The following ATP1A4 variants were observed in gnomAD, a reference collection of about 807,000 sequenced individuals.
ATP1A4 encodes the protein sodium/potassium-transporting ATPase subunit alpha-4.
ATP1A4 carries 90 observed loss-of-function variants against 114.3 expected under a neutral mutation model. That is an observed-to-expected ratio of 0.79 (90% CI 0.66 to 0.94). The LOEUF (loss-of-function observed/expected upper bound fraction) is 0.94, where lower values mean the gene tolerates loss of function less well. ATP1A4 is among the 40% of genes least tolerant of loss of function. The pLI is 0.00. For synonymous variants in ATP1A4, 511 were observed against 494.1 expected, an observed-to-expected ratio of 1.03 and a Z score of -0.45; for missense variants, 1,222 against 1,313.6, an observed-to-expected ratio of 0.93 and a Z score of 1.08.
Position 160,166,425 on chromosome 1 carries a change from C to CA in ATP1A4, c.1048-97dup, listed in dbSNP as rs1310199873. On this transcript the variant is annotated intron_variant, in intron 7 of 21. Transcript: ENST00000368081. The stretch of plus-strand genomic sequence containing the variant: ...GGTGGGAACAAAAGGGAAGTAAGTA[C>CA]AAAAAATCAAAATAGCATTAAAAAT... The CA allele has an allele frequency of 7.0e-6, 10 of 1,432,402 alleles. No homozygotes were observed. The African/African-American group carries it at 1.0e-4, about 14-fold the overall frequency. The allele number at this position is 1,432,402 out of a possible 1,614,324, so 88.7% of individuals were successfully genotyped here.
chr1:160,153,243 G>C lies in ATP1A4; in HGVS notation c.207+19G>C, dbSNP rs1449305295. On this transcript the variant is annotated intron_variant, in intron 2 of 21. Coordinates refer to ENST00000368081, the MANE Select transcript of ATP1A4 (RefSeq NM_144699.4). ...GACAAAGGTGAGTAAGAAGCTCCCT[G>C]AGGAGGCAGAGAGTCTCCAACTCTG... The C allele has an allele frequency of 1.2e-6, 2 of 1,609,470 alleles. No homozygotes were observed. The highest frequency in any genetic ancestry group is 1.7e-6 in the Non-Finnish European group (2 of 1,176,226).
At chr1:160,152,273 C>A in intron 1 of ATP1A4, 86 bp downstream of exon 1, 1 of 1,447,192 alleles carries the variant, frequency 6.9e-7, no homozygotes, top group Non-Finnish European at 9.3e-7. Context: ...GAGAATGAAA[C>A]ACACAGGCCA....
chr1:160,177,363 G>T (rs1653508564), intron 17 of ATP1A4, 156 bp from the exon 18 acceptor site: 1 of 671,216 alleles, frequency 1.5e-6, no homozygotes, highest in Non-Finnish European at 2.5e-6. Context: ...GAGATAACAG[G>T]CTTAGGCAGC....
At chr1:160,171,029 G>T in intron 10 of ATP1A4, 1 of 457,622 alleles carries the variant, frequency 2.2e-6, no homozygotes, top group Non-Finnish European at 3.8e-6. Flanking sequence ...AGGCTGAGAA[G>T]ATAATGGAGA....
chr1:160,153,308 A>T, intron 2 of ATP1A4, 84 bp downstream of exon 2: 1 of 1,278,544 alleles, frequency 7.8e-7, no homozygotes, highest in Admixed American at 1.8e-5. Context: ...CTAGGAATCC[A>T]GCCCCCTAAC....
At chr1:160,167,675 A>C in intron 10 of ATP1A4, among the ~76,000 whole-genome samples, 1 of 152,214 alleles carries the variant, frequency 6.6e-6, no homozygotes, top group South Asian at 2.1e-4. Flanking sequence ...GCGAGTCATA[A>C]AATCCTCTCT....
chr1:160,176,553 G>T lies in ATP1A4; in HGVS notation c.2541G>T (p.Thr847=). The T allele has an allele frequency of 1.2e-6, 2 of 1,614,132 alleles. No individual in the cohort carries two copies. Among genetic ancestry groups the T allele is most frequent in the Non-Finnish European group, 1.7e-6 (2 of 1,180,038 alleles). Residue 847 remains threonine (T), a synonymous_variant, in exon 17 of 22, where the codon ACG becomes ACT. Coordinates refer to ENST00000368081, the MANE Select transcript of ATP1A4 (RefSeq NM_144699.4). ...IMKRLPRNPK[T]DNLVNHRLIG... The stretch of plus-strand genomic sequence containing the variant: ...AGAGGCTTCCAAGGAACCCAAAGAC[G>T]GATAATCTGGTGAACCACCGTCTCA...
At position 160,156,146 on chromosome 1, in the gene ATP1A4, C is replaced by A; in HGVS notation, c.513C>A (p.Asn171Lys). 1 of 1,609,108 alleles carries A rather than the reference C, an allele frequency of 6.2e-7. No individual in the cohort carries two copies. Among genetic ancestry groups the A allele is most frequent in the Non-Finnish European group, 8.5e-7 (1 of 1,175,426 alleles). ...KSSKIMESFK[N>K]MVPQQALVIR... ...CCAAGATCATGGAGTCTTTTAAGAA[C>A]ATGGTGCCTCAGGTAGGATTGGAGT... Residue 171 changes from asparagine (N) to lysine (K), a missense_variant, in exon 4 of 22, where the codon AAC (asparagine) becomes AAA (lysine). Physicochemically the swap from Asn to Lys is moderately conservative, Grantham distance 94. Transcript: ENST00000368081.
intron 18 of ATP1A4, 24 bp from the exon 19 acceptor site, chr1:160,181,660 T>C (rs7519748): frequency 0.7 from 1,131,435 of 1,612,332 alleles, 400,399 homozygotes; most frequent in East Asian, 0.9. Flanking sequence ...CTGACACTGT[T>C]TCCTCTCTCC....
At chr1:160,171,499 G>C in intron 11 of ATP1A4, 59 bp downstream of exon 11, 1 of 1,601,258 alleles carries the variant, frequency 6.2e-7, no homozygotes, top group Non-Finnish European at 8.5e-7. Context: ...ATTATCCCTG[G>C]GGTGAGAAAT....
rs745668461 is a variant in ATP1A4, at chr1:160,155,263, C to T, written c.411+15C>T. On this transcript the variant is annotated intron_variant, in intron 3 of 21. Coordinates refer to ENST00000368081, the MANE Select transcript of ATP1A4 (RefSeq NM_144699.4). ...CCAAAGACAACGTGAGTCTCTTCAG[C>T]TACTACTAGCCAGCCCTATCTCTGC... 24 of 1,603,580 alleles carry T rather than the reference C, an allele frequency of 1.5e-5. No individual in the cohort carries two copies. Among genetic ancestry groups the T allele is most frequent in the Non-Finnish European group, 1.0e-5 (12 of 1,173,928 alleles).
chr1:160,176,627 G>C (rs753366044), intron 17 of ATP1A4, 25 bp downstream of exon 17: 4 of 1,609,906 alleles, frequency 2.5e-6, no homozygotes, highest in Non-Finnish European at 3.4e-6. Flanking sequence ...ATGAGGGGTG[G>C]AGGGAGCAGG....
At chr1:160,186,009 C>T (rs1163452885) in intron 20 of ATP1A4, among the ~76,000 whole-genome samples, 1 of 142,806 alleles carries the variant, frequency 7.0e-6, no homozygotes, top group Non-Finnish European at 1.5e-5. Flanking sequence ...GCATGAGAAT[C>T]GCTTAAATCC....
intron 4 of ATP1A4, 94 bp from the exon 5 acceptor site, chr1:160,158,908 G>A: frequency 4.4e-6 from 6 of 1,371,024 alleles, no homozygotes; most frequent in Non-Finnish European, 5.0e-6. Flanking sequence ...AGGGGAGTAA[G>A]GAGGAGGGAG....
chr1:160,163,116 A>G (rs1652914751), intron 6 of ATP1A4, among the ~76,000 whole-genome samples: 1 of 152,172 alleles, frequency 6.6e-6, no homozygotes, highest in Non-Finnish European at 1.5e-5. Context: ...CAGCTTCCTC[A>G]ATTCAGACTC....
rs113220471 is a variant in ATP1A4, at chr1:160,171,323, T to C, written c.1564T>C (p.Leu522=). 5.6e-4 allele frequency: 899 copies of C among 1,614,140 alleles called. 10 individuals are homozygous for C. The African/African-American group carries it at 0.01, about 18-fold the overall frequency. Reference sequence around the variant, plus strand: ...GATGAAGGGTGCTCCGGAGAGGATCTTGGAGTTTTGTTCTACCTTTCTTCT... The same window carrying C: ...GATGAAGGGTGCTCCGGAGAGGATCCTGGAGTTTTGTTCTACCTTTCTTCT... ...LMMKGAPERI[L]EFCSTFLLNG... The change falls in exon 11 of 22, where the codon TTG becomes CTG. Residue 522 remains leucine (L), a synonymous_variant. Coordinates refer to ENST00000368081, the MANE Select transcript of ATP1A4 (RefSeq NM_144699.4).
rs140904250 is a variant in ATP1A4 at position 160,156,158 on chromosome 1, G to A, written c.525G>A (p.Gln175=). Residue 175 remains glutamine, a splice_region_variant and synonymous_variant, in exon 4 of 22, where the codon CAG becomes CAA. Coordinates refer to ENST00000368081, the MANE Select transcript of ATP1A4 (RefSeq NM_144699.4). ...AGTCTTTTAAGAACATGGTGCCTCA[G>A]GTAGGATTGGAGTGGGAGGATCTAG... The part of the protein sequence containing the change: ...IMESFKNMVP[Q]QALVIRGGEK... 5.0e-6 allele frequency: 8 copies of A among 1,599,208 alleles called. No homozygotes were observed. The highest frequency in any genetic ancestry group is 1.7e-5 in the Admixed American group (1 of 59,980).
intron 7 of ATP1A4, among the ~76,000 whole-genome samples, chr1:160,164,723 T>C (rs183464409): frequency 2.0e-5 from 3 of 152,294 alleles, no homozygotes; most frequent in African/African-American, 7.2e-5. Context: ...CAGACCTCAA[T>C]TTATTCATCA....
chr1:160,156,804 A>T (rs1652685441), intron 4 of ATP1A4, among the ~76,000 whole-genome samples: 2 of 152,108 alleles, frequency 1.3e-5, no homozygotes, highest in African/African-American at 2.4e-5. Flanking sequence ...ATAATAATAA[A>T]AAGAGGCTAA....
Sources: allele counts gnomAD v4.1 joint callset (sites outside exome capture counted in the v4.1 genomes callset), GRCh38; gene constraint gnomAD v4.1.1; transcripts MANE v1.5; gene names NCBI Gene and HGNC (gene_info 2026-07-23, HGNC 2026-07-21).